The following SND1 variants were observed in gnomAD, a reference collection of about 807,000 sequenced individuals.
SND1 encodes the protein staphylococcal nuclease and tudor domain containing 1, also known as staphylococcal nuclease domain-containing protein 1.
In SND1, 38 loss-of-function variants were observed where a neutral mutation model predicts 121.7. That is an observed-to-expected ratio of 0.31 (90% CI 0.24 to 0.41). The LOEUF (loss-of-function observed/expected upper bound fraction) is 0.41. Ranked by LOEUF, SND1 falls within the 10% of genes least tolerant of loss-of-function variation. The pLI is 1.00. For missense variants in SND1, 868 were observed against 1,184.6 expected (o/e 0.73, Z 3.92); for synonymous variants, 401 against 447.4 (o/e 0.90, Z 1.31).
At chr7:127,772,523 G>A (rs183387063) in intron 10 of SND1, among the ~76,000 whole-genome samples, 193 of 152,310 alleles carry the variant, frequency 1.3e-3, no homozygotes, top group Non-Finnish European at 1.7e-3. Flanking sequence ...CTCATCTGGT[G>A]TAGAGCTCTA....
chr7:127,660,079 A>G (rs1300139676), intron 1 of SND1, among the ~76,000 whole-genome samples: 1 of 151,134 alleles, frequency 6.6e-6, no homozygotes, highest in Non-Finnish European at 1.5e-5. Flanking sequence ...TCCAGTGTGG[A>G]AGACCAGAGA....
chr7:127,803,004 A>T (rs1798163892), intron 10 of SND1, among the ~76,000 whole-genome samples: 1 of 152,098 alleles, frequency 6.6e-6, no homozygotes, highest in Admixed American at 6.5e-5. Context: ...TTACTATCAT[A>T]ATCTCCTAAT....
At chr7:127,751,674 G>T (rs1436835669) in intron 10 of SND1, among the ~76,000 whole-genome samples, 1 of 152,224 alleles carries the variant, frequency 6.6e-6, no homozygotes, top group Non-Finnish European at 1.5e-5. Context: ...TATGTGACTC[G>T]TAGCAACCTC....
At chr7:127,734,010 C>T (rs986796937) in intron 10 of SND1, among the ~76,000 whole-genome samples, 7 of 152,026 alleles carry the variant, frequency 4.6e-5, no homozygotes, top group African/African-American at 1.7e-4. Flanking sequence ...ATCTCTACTG[C>T]ACTTCAGCTT....
At chr7:127,703,643 C>T (rs1031898618) in intron 7 of SND1, among the ~76,000 whole-genome samples, 4 of 152,090 alleles carry the variant, frequency 2.6e-5, no homozygotes, top group East Asian at 1.9e-4. Context: ...ACCCGGGAGG[C>T]GGAGGTTGCA....
chr7:128,081,006 T>G (rs796313535), intron 17 of SND1, among the ~76,000 whole-genome samples: 98 of 151,840 alleles, frequency 6.5e-4, no homozygotes, highest in African/African-American at 2.3e-3. Flanking sequence ...TTTTTTTTTC[T>G]TCTTTTTTGA....
At chr7:127,881,979 G>A (rs1302744600) in intron 12 of SND1, among the ~76,000 whole-genome samples, 1 of 152,116 alleles carries the variant, frequency 6.6e-6, no homozygotes, top group East Asian at 1.9e-4. Flanking sequence ...GAGGCTGGAC[G>A]CAGTGGCTCA....
chr7:127,802,335 A>G (rs1417558612), intron 10 of SND1, among the ~76,000 whole-genome samples: 1 of 152,094 alleles, frequency 6.6e-6, no homozygotes, highest in Non-Finnish European at 1.5e-5. Context: ...TTTTCTTAAC[A>G]TTCTCTTGTG....
rs1298175906 is a variant in SND1, at chr7:128,052,746, C to T, written c.1780-21756C>T. On this transcript the variant is annotated intron_variant, in intron 16 of 23. Transcript: ENST00000354725. The surrounding 1 kb of genome is among the most constrained non-coding windows in gnomAD (Gnocchi z 4.6). Reference sequence around the variant, plus strand: ...GCCCGATGGGCTGTGTCTGGAATGCCAGTCTTGTGTCCCACCCTACTTTTG... The same window carrying T: ...GCCCGATGGGCTGTGTCTGGAATGCTAGTCTTGTGTCCCACCCTACTTTTG... 6.6e-6 allele frequency among the ~76,000 whole-genome samples: 1 copy of T among 152,248 alleles called. No individual in the cohort carries two copies. Among genetic ancestry groups the T allele is most frequent in the Admixed American group, 6.5e-5 (1 of 15,294 alleles).
rs562126366 is a variant in SND1 at position 128,008,817 on chromosome 7, G to T, written c.1779+17761G>T. 1.3e-3 allele frequency among the ~76,000 whole-genome samples: 191 copies of T among 152,276 alleles called. 5 individuals are homozygous for T. The South Asian group carries it at 0.038, about 30-fold the overall frequency. ...TCGTCTTTTAAGGGGTTGTCCAAGT[G>T]GGGGAGGAACAAATCATATTTTCCA... On this transcript the variant is annotated intron_variant, in intron 16 of 23. Coordinates refer to ENST00000354725, the MANE Select transcript of SND1 (RefSeq NM_014390.4).
chr7:127,668,440 G>C (rs1795457283), intron 1 of SND1, among the ~76,000 whole-genome samples: 1 of 152,190 alleles, frequency 6.6e-6, no homozygotes, highest in Admixed American at 6.5e-5. Context: ...TAATTGTTTA[G>C]TATCAGTCTT....
chr7:127,921,134 G>A (rs3808083), intron 14 of SND1, among the ~76,000 whole-genome samples: 31,859 of 152,072 alleles, frequency 0.21, 3,965 homozygotes, highest in African/African-American at 0.35. Flanking sequence ...TTATTTCAAG[G>A]TAGAAAAGAA....
At chr7:128,043,794 C>T (rs1046078189) in intron 16 of SND1, among the ~76,000 whole-genome samples, 6 of 150,706 alleles carry the variant, frequency 4.0e-5, no homozygotes, top group Non-Finnish European at 7.4e-5. Context: ...TGTATAAATA[C>T]ACAATATGTA....
At chr7:127,667,470 G>A (rs998537305) in intron 1 of SND1, among the ~76,000 whole-genome samples, 1 of 152,180 alleles carries the variant, frequency 6.6e-6, no homozygotes, top group African/African-American at 2.4e-5. Context: ...TGATGGCAGT[G>A]CTGTGAGGAG....
rs376217386 is a variant in SND1 at position 128,092,091 on chromosome 7, C to T, written c.*33C>T. 2.5e-6 allele frequency: 4 copies of T among 1,607,750 alleles called. No homozygotes were observed. The highest frequency in any genetic ancestry group is 3.4e-6 in the Non-Finnish European group (4 of 1,174,544). ...ATCGGGTTTGGCCCCCAGCCCCGCTCACGCCAGTCCCTCTTCCTCTGCCGG... is the reference window on the plus strand; with the variant it reads ...ATCGGGTTTGGCCCCCAGCCCCGCTTACGCCAGTCCCTCTTCCTCTGCCGG... On this transcript the variant is annotated 3_prime_UTR_variant, in exon 24 of 24. Coordinates refer to ENST00000354725, the MANE Select transcript of SND1 (RefSeq NM_014390.4). This position sits in a 1 kb window ranked among gnomAD's most constrained non-coding sequence, Gnocchi z 4.9.
chr7:127,936,422 A>G (rs1801064226), intron 15 of SND1, among the ~76,000 whole-genome samples: 1 of 151,498 alleles, frequency 6.6e-6, no homozygotes, highest in Admixed American at 6.6e-5. Context: ...CGCAGTTTTT[A>G]TTTTCACTTG....
chr7:128,088,122 G>A (rs948474364), intron 21 of SND1, among the ~76,000 whole-genome samples: 1 of 152,130 alleles, frequency 6.6e-6, no homozygotes, highest in African/African-American at 2.4e-5. Context: ...AGAAAATGCT[G>A]AAGGCAAGTA....
chr7:128,061,919 A>C (rs1793237667), intron 16 of SND1, among the ~76,000 whole-genome samples: 1 of 152,250 alleles, frequency 6.6e-6, no homozygotes, highest in Non-Finnish European at 1.5e-5. Flanking sequence ...GCCTTCTAGC[A>C]CTGGCGCTGC....
At chr7:127,815,063 A>C (rs1033539664) in intron 11 of SND1, among the ~76,000 whole-genome samples, 1 of 152,050 alleles carries the variant, frequency 6.6e-6, no homozygotes, top group Non-Finnish European at 1.5e-5. Flanking sequence ...CTGAGCAGTT[A>C]TCTTCTTCTG....
Sources: gnomAD v4.1 joint callset for allele counts (sites outside exome capture counted in the v4.1 genomes callset) on GRCh38, gnomAD v4.1.1 for gene constraint, Gnocchi (gnomAD v3.1) non-coding constraint, MANE v1.5 for transcripts, NCBI Gene and HGNC (gene_info 2026-07-23, HGNC 2026-07-21) for gene names.